Variants in WWC1 observed in about 807,000 individuals in gnomAD.
WWC1 encodes WW and C2 domain containing 1, also known as protein KIBRA.
WWC1 carries 55 observed loss-of-function variants against 138.4 expected under a neutral mutation model. That is an observed-to-expected ratio of 0.40 (90% CI 0.32 to 0.50). WWC1 has a LOEUF of 0.50. Ranked by LOEUF, WWC1 falls within the 20% of genes least tolerant of loss-of-function variation. The pLI is 0.72. For missense variants in WWC1, 1,226 were observed against 1,420.4 expected, an observed-to-expected ratio of 0.86 and a Z score of 2.20; for synonymous variants, 524 against 564.9, an observed-to-expected ratio of 0.93 and a Z score of 1.03.
At chr5:168,320,284 C>G (rs1771952240) in intron 1 of WWC1, among the ~76,000 whole-genome samples, 1 of 152,166 alleles carries the variant, frequency 6.6e-6, no homozygotes, top group African/African-American at 2.4e-5. Flanking sequence ...ATCTGCCTGG[C>G]TTGGCCTCCA....
chr5:168,420,744 C>T (rs141983596), intron 9 of WWC1, among the ~76,000 whole-genome samples: 3 of 152,194 alleles, frequency 2.0e-5, no homozygotes, highest in Admixed American at 1.3e-4. Flanking sequence ...TCCACATTTA[C>T]TCCCTCAGCC....
At chr5:168,348,523 T>A (rs1415302560) in intron 1 of WWC1, among the ~76,000 whole-genome samples, 2 of 152,144 alleles carry the variant, frequency 1.3e-5, no homozygotes, top group African/African-American at 2.4e-5. Context: ...AGCTTGGCTG[T>A]GAGCACAGGC....
intron 12 of WWC1, 102 bp downstream of exon 12, chr5:168,428,243 G>A (rs1167024566): frequency 3.5e-6 from 4 of 1,158,230 alleles, no homozygotes; most frequent in Admixed American, 2.4e-5. Flanking sequence ...GGCCCCCACA[G>A]TGTGTGGGAG....
chr5:168,405,450 C>T (rs1275806159), intron 5 of WWC1, among the ~76,000 whole-genome samples: 1 of 152,214 alleles, frequency 6.6e-6, no homozygotes, highest in Non-Finnish European at 1.5e-5. Flanking sequence ...TCAACTCTGC[C>T]TCCTGTTCCC....
intron 5 of WWC1, among the ~76,000 whole-genome samples, chr5:168,403,207 C>T (rs1290339009): frequency 6.6e-6 from 1 of 152,044 alleles, no homozygotes; most frequent in African/African-American, 2.4e-5. Context: ...AAGCGATTCT[C>T]CTGCCTCAGC....
intron 1 of WWC1, among the ~76,000 whole-genome samples, chr5:168,351,238 G>A (rs1307128907): frequency 6.6e-6 from 1 of 152,124 alleles, no homozygotes; most frequent in East Asian, 1.9e-4. Flanking sequence ...GCCTGGCAGA[G>A]GTTGGAGTAG....
chr5:168,330,832 C>T (rs934307644), intron 1 of WWC1, among the ~76,000 whole-genome samples: 1 of 152,110 alleles, frequency 6.6e-6, no homozygotes, highest in Non-Finnish European at 1.5e-5. Flanking sequence ...ACACCTCTCC[C>T]CTAAAGCTGC....
chr5:168,385,468 A>G (rs1486887784), intron 3 of WWC1, 54 bp downstream of exon 3: 1 of 1,564,004 alleles, frequency 6.4e-7, no homozygotes, highest in South Asian at 1.1e-5. Flanking sequence ...GAATGGCCAC[A>G]CTGAGTTCTG....
At chr5:168,452,768 TCC>T (rs1755946342) in intron 17 of WWC1, among the ~76,000 whole-genome samples, 1 of 10,082 alleles carries the variant, frequency 9.9e-5, no homozygotes, top group African/African-American at 3.7e-4. Context: ...TCCCTCTTCC[TCC>T]TCCTCCTCCT....
chr5:168,436,052 A>G (rs745924340), intron 15 of WWC1, among the ~76,000 whole-genome samples: 5 of 152,116 alleles, frequency 3.3e-5, no homozygotes, highest in Non-Finnish European at 7.4e-5. Flanking sequence ...CATGTTGGCC[A>G]CGCTGGTCTC....
At chr5:168,331,820 C>T (rs1404999617) in intron 1 of WWC1, among the ~76,000 whole-genome samples, 1 of 152,182 alleles carries the variant, frequency 6.6e-6, no homozygotes, top group African/African-American at 2.4e-5. Context: ...AAGTAATTGT[C>T]AGCGGCTTGG....
intron 1 of WWC1, among the ~76,000 whole-genome samples, chr5:168,319,725 T>G (rs2152757082): frequency 6.6e-6 from 1 of 152,256 alleles, no homozygotes; most frequent in South Asian, 2.1e-4. Flanking sequence ...GGTCTTGAAC[T>G]CCTGAGTTCA....
chr5:168,356,565 C>T (rs1172575447), intron 1 of WWC1, among the ~76,000 whole-genome samples: 1 of 152,230 alleles, frequency 6.6e-6, no homozygotes, highest in Admixed American at 6.5e-5. Flanking sequence ...AACCTTGTCT[C>T]TCAAATCACT....
In WWC1 at chr5:168,414,400, G is replaced by C; in HGVS notation, c.994G>C (p.Gly332Arg). 6.2e-7 allele frequency: 1 copy of C among 1,607,914 alleles called. No individual in the cohort carries two copies. The highest frequency in any genetic ancestry group is 8.5e-7 in the Non-Finnish European group (1 of 1,177,176). The change falls in exon 9 of 23, where the codon GGG becomes CGG. Residue 332 changes from glycine to arginine, a missense_variant. Around this residue, in one of 3 missense-constraint regions of WWC1, gnomAD observed 1,016 missense variants for 1,153.9 expected, o/e 0.88. Coordinates refer to ENST00000265293, the MANE Select transcript of WWC1 (RefSeq NM_015238.3). Reference protein sequence around the residue: ...LAKLDSEAWPGVLDSERDRLI... With the variant: ...LAKLDSEAWPRVLDSERDRLI... ...CAAGCTTGACAGTGAGGCCTGGCCT[G>C]GGGTGCTGGACTCAGAGAGGGACCG...
chr5:168,358,987 A>G lies in WWC1; in HGVS notation c.120-12437A>G, dbSNP rs367634852. On this transcript the variant is annotated intron_variant, in intron 1 of 22. Coordinates refer to ENST00000265293, the MANE Select transcript of WWC1 (RefSeq NM_015238.3). The stretch of plus-strand genomic sequence containing the variant: ...TTGTTTTTTCTAGAATTTCATATAA[A>G]TGGAATCACACAATATATGGTTTTT... Among the ~76,000 whole-genome samples the G allele has an allele frequency of 3.3e-5, 5 of 151,756 alleles. No homozygotes were observed. The East Asian group carries it at 7.7e-4, about 23-fold the overall frequency.
intron 17 of WWC1, among the ~76,000 whole-genome samples, chr5:168,447,185 T>A (rs1755355622): frequency 6.6e-6 from 1 of 152,240 alleles, no homozygotes. Flanking sequence ...AAATTATGCA[T>A]GATAAGCACT....
At chr5:168,297,626 C>CAAAAAA (rs70976474) in intron 1 of WWC1, among the ~76,000 whole-genome samples, 20 of 54,656 alleles carry the variant, frequency 3.7e-4, no homozygotes, top group East Asian at 1.7e-3. Flanking sequence ...AACTCCATCT[C>CAAAAAA]AAAAAAAAAA....
chr5:168,444,370 A>T, intron 16 of WWC1, 124 bp from the exon 17 acceptor site: 2 of 971,064 alleles, frequency 2.1e-6, no homozygotes, highest in Non-Finnish European at 1.5e-6. Flanking sequence ...ACACTTGACC[A>T]CTCTGGTCTT....
Position 168,464,724 on chromosome 5 carries a change from C to A in WWC1, c.2917-5C>A. 5 of 1,614,186 alleles carry A rather than the reference C, an allele frequency of 3.1e-6. No individual in the cohort carries two copies. Among genetic ancestry groups the A allele is most frequent in the Non-Finnish European group, 4.2e-6 (5 of 1,180,028 alleles). ...TAACAAGAGAAGCCGTCCCCACCCC[C>A]ACAGCCTTCCTCGGTCAAGTCGCTG... On this transcript the variant is annotated splice_region_variant and splice_polypyrimidine_tract_variant and intron_variant, in intron 20 of 22. Transcript: ENST00000265293.
Sources: allele counts gnomAD v4.1 joint callset (sites outside exome capture counted in the v4.1 genomes callset), GRCh38; gene constraint gnomAD v4.1.1; regional missense constraint gnomAD v4.1.1; transcripts MANE v1.5; gene names NCBI Gene and HGNC (gene_info 2026-07-23, HGNC 2026-07-21).